Variants in PDE4B observed in about 807,000 individuals in gnomAD.
PDE4B encodes the protein phosphodiesterase 4B.
A neutral mutation model predicts 82.2 loss-of-function variants in PDE4B; 20 were observed. The observed-to-expected ratio is 0.24, with a 90% CI of 0.17 to 0.35. The LOEUF is 0.35. Ranked by LOEUF, PDE4B falls within the 10% of genes least tolerant of loss-of-function variation. The pLI is 1.00. For missense variants in PDE4B, 655 were observed against 907.2 expected (o/e 0.72, Z 3.57); for synonymous variants, 320 against 318.9 (o/e 1.00, Z -0.04).
chr1:65,793,415 C>T (rs1364948158), intron 1 of PDE4B, among the ~76,000 whole-genome samples, 167 bp downstream of exon 1: 1 of 152,348 alleles, frequency 6.6e-6, no homozygotes, highest in Non-Finnish European at 1.5e-5. Context: ...ATTGTCGCCC[C>T]TTGTAGGAAA....
At chr1:66,281,300 C>T (rs1009240846) in intron 7 of PDE4B, among the ~76,000 whole-genome samples, 2 of 152,192 alleles carry the variant, frequency 1.3e-5, no homozygotes, top group Non-Finnish European at 2.9e-5. Flanking sequence ...TAACAGGGAA[C>T]AGTTTTTGGG....
chr1:65,802,767 C>A (rs554519835), intron 1 of PDE4B, among the ~76,000 whole-genome samples: 125 of 152,068 alleles, frequency 8.2e-4, no homozygotes, highest in African/African-American at 2.8e-3. Context: ...GCCTCATTAT[C>A]TAATTTTTTT....
At chr1:66,284,696 T>C (rs1229676451) in intron 7 of PDE4B, among the ~76,000 whole-genome samples, 2 of 152,026 alleles carry the variant, frequency 1.3e-5, no homozygotes, top group Non-Finnish European at 2.9e-5. Context: ...GATGAAAAAG[T>C]ATAGGTTTAA....
chr1:66,232,774 C>G (rs1310267168), intron 3 of PDE4B, among the ~76,000 whole-genome samples: 1 of 152,104 alleles, frequency 6.6e-6, no homozygotes, highest in African/African-American at 2.4e-5. Flanking sequence ...AGACGTAGGC[C>G]ACTGATGATC....
chr1:65,867,231 A>G (rs1044719077), intron 1 of PDE4B, among the ~76,000 whole-genome samples: 1 of 152,186 alleles, frequency 6.6e-6, no homozygotes, highest in African/African-American at 2.4e-5. Flanking sequence ...AAATGAGACG[A>G]TAAGGACCAA....
chr1:66,229,838 A>T (rs1172807813), intron 3 of PDE4B, among the ~76,000 whole-genome samples: 1 of 152,104 alleles, frequency 6.6e-6, no homozygotes, highest in Non-Finnish European at 1.5e-5. Flanking sequence ...TCTCTCTTCT[A>T]TTGCTATTTT....
intron 8 of PDE4B, 117 bp downstream of exon 8, chr1:66,332,737 G>C (rs951858385): frequency 2.5e-6 from 2 of 795,866 alleles, no homozygotes; most frequent in Non-Finnish European, 4.0e-6. Flanking sequence ...GAATATGTTT[G>C]TTGCTTTGTC....
intron 3 of PDE4B, among the ~76,000 whole-genome samples, chr1:66,187,524 C>G (rs1016417139): frequency 1.4e-4 from 22 of 152,338 alleles, no homozygotes; most frequent in Non-Finnish European, 3.1e-4. Flanking sequence ...TGTTATTGGT[C>G]TATTCAAAGA....
chr1:65,954,763 C>T (rs1037461204), intron 3 of PDE4B, among the ~76,000 whole-genome samples: 1 of 152,058 alleles, frequency 6.6e-6, no homozygotes, highest in Non-Finnish European at 1.5e-5. Flanking sequence ...AATGACCAGT[C>T]TGCAGGTTCT....
intron 3 of PDE4B, chr1:65,992,748 G>A: frequency 7.3e-7 from 1 of 1,375,942 alleles, no homozygotes; most frequent in South Asian, 1.8e-5. Context: ...CTTCGAGTAT[G>A]CTGCTCTTGC....
At chr1:66,192,088 G>A (rs1351577025) in intron 3 of PDE4B, among the ~76,000 whole-genome samples, 2 of 152,010 alleles carry the variant, frequency 1.3e-5, no homozygotes, top group African/African-American at 2.4e-5. Flanking sequence ...TTCTTACATT[G>A]ATAACTATCC....
At chr1:65,933,196 A>G (rs1647932856) in intron 3 of PDE4B, among the ~76,000 whole-genome samples, 8 of 152,220 alleles carry the variant, frequency 5.3e-5, no homozygotes, top group Admixed American at 4.6e-4. Flanking sequence ...AGAATTTTCA[A>G]AGTAGCAACA....
At chr1:65,990,436 C>G (rs1651182809) in intron 3 of PDE4B, among the ~76,000 whole-genome samples, 2 of 151,920 alleles carry the variant, frequency 1.3e-5, no homozygotes, top group African/African-American at 4.8e-5. Context: ...TTTTTTTTGC[C>G]AATACATCAC....
chr1:66,124,784 AATT>A (rs2101089776), intron 3 of PDE4B, among the ~76,000 whole-genome samples: 1 of 152,272 alleles, frequency 6.6e-6, no homozygotes, highest in South Asian at 2.1e-4. Flanking sequence ...GTCTGGGTGC[AATT>A]TACGTTCTCC....
chr1:65,835,956 T>C (rs935445250), intron 1 of PDE4B, among the ~76,000 whole-genome samples: 1 of 152,052 alleles, frequency 6.6e-6, no homozygotes, highest in African/African-American at 2.4e-5. Flanking sequence ...TTTATTTTTT[T>C]CCGAGATGGA....
chr1:66,181,172 A>G (rs1468538141), intron 3 of PDE4B, among the ~76,000 whole-genome samples: 1 of 152,230 alleles, frequency 6.6e-6, no homozygotes, highest in African/African-American at 2.4e-5. Context: ...TAAATAATGT[A>G]CAAGATATTT....
At chr1:66,344,671 A>G (rs1029255616) in intron 8 of PDE4B, among the ~76,000 whole-genome samples, 2 of 152,208 alleles carry the variant, frequency 1.3e-5, no homozygotes, top group Admixed American at 6.5e-5. Context: ...TGTTTTAAAA[A>G]AGTTAAATAC....
intron 3 of PDE4B, among the ~76,000 whole-genome samples, chr1:66,162,255 C>G (rs996669155): frequency 7.1e-6 from 1 of 140,394 alleles, no homozygotes; most frequent in African/African-American, 2.6e-5. Flanking sequence ...TGCAGAGGGA[C>G]AAGACTTGTG....
intron 3 of PDE4B, among the ~76,000 whole-genome samples, chr1:66,186,470 T>C (rs1471653556): frequency 1.3e-5 from 2 of 152,212 alleles, no homozygotes; most frequent in East Asian, 3.8e-4. Flanking sequence ...CCCATGAGCA[T>C]GGAATGTTCT....
Sources: allele counts gnomAD v4.1 joint callset (sites outside exome capture counted in the v4.1 genomes callset), GRCh38; gene constraint gnomAD v4.1.1; transcripts MANE v1.5; gene names NCBI Gene and HGNC (gene_info 2026-07-23, HGNC 2026-07-21).